Variants in SH2D4B observed in about 807,000 individuals in gnomAD.
SH2D4B encodes SH2 domain-containing protein 4B.
Under a neutral mutation model 61.5 loss-of-function variants are expected in SH2D4B, and 45 were observed. That is an observed-to-expected ratio of 0.73 (90% CI 0.58 to 0.94). The LOEUF (loss-of-function observed/expected upper bound fraction) is 0.94. SH2D4B is among the 40% of genes least tolerant of loss of function. The pLI, the probability that SH2D4B is intolerant of heterozygous loss-of-function variation, is 0.00. For missense variants in SH2D4B, 572 were observed against 574.2 expected (o/e 1.00, Z 0.04); for synonymous variants, 224 against 220.4 (o/e 1.02, Z -0.14).
At chr10:80,584,801 G>A (rs1163133259) in intron 3 of SH2D4B, among the ~76,000 whole-genome samples, 1 of 152,194 alleles carries the variant, frequency 6.6e-6, no homozygotes, top group Non-Finnish European at 1.5e-5. Context: ...GTTCACCTGT[G>A]GGAAATATAA....
chr10:80,584,329 G>A (rs1241596829), intron 3 of SH2D4B, among the ~76,000 whole-genome samples: 1 of 152,192 alleles, frequency 6.6e-6, no homozygotes, highest in Admixed American at 6.5e-5. Flanking sequence ...GGCACCCGGG[G>A]TAGTGTGTCC....
At position 80,612,182 on chromosome 10, in the gene SH2D4B, C is replaced by CT. The variant is rs796771295; in HGVS notation, c.988+2647dup. Among the ~76,000 whole-genome samples the CT allele has an allele frequency of 4.7e-3, 299 of 62,950 alleles. 4 individuals carry two copies. Among genetic ancestry groups the CT allele is most frequent in the South Asian group, 9.3e-3 (26 of 2,792 alleles). The allele number at this position is 62,950 out of a possible 152,430, so 41.3% of individuals were successfully genotyped here. On this transcript the variant is annotated intron_variant, in intron 6 of 7. Coordinates refer to ENST00000646907, the MANE Select transcript of SH2D4B (RefSeq NM_001388272.1). Reference sequence around the variant, plus strand: ...CAGCCCGGGACCTCCCCCACTCCTGCTTTTTTTTTTTTTTTTCAACTTTAC... The same window carrying CT: ...CAGCCCGGGACCTCCCCCACTCCTGCTTTTTTTTTTTTTTTTTCAACTTTAC...
chr10:80,552,457 C>T (rs12412983), intron 1 of SH2D4B, among the ~76,000 whole-genome samples: 4,436 of 152,226 alleles, frequency 0.029, 318 homozygotes, highest in East Asian at 0.29. Context: ...CTTTTCTGTC[C>T]CCTCATTTCA....
intron 7 of SH2D4B, among the ~76,000 whole-genome samples, chr10:80,641,448 C>T (rs890459959): frequency 6.6e-6 from 1 of 152,006 alleles, no homozygotes; most frequent in South Asian, 2.1e-4. Flanking sequence ...GTGGGCTCCA[C>T]CCAGTTCGAG....
chr10:80,590,097 G>T (rs1199155007), intron 4 of SH2D4B, among the ~76,000 whole-genome samples: 1 of 152,320 alleles, frequency 6.6e-6, no homozygotes, highest in Admixed American at 6.5e-5. Context: ...GAAGCCCCAG[G>T]GTGGGTCAGG....
chr10:80,541,122 T>C (rs1841572898), intron 1 of SH2D4B, among the ~76,000 whole-genome samples: 2 of 152,306 alleles, frequency 1.3e-5, no homozygotes, highest in South Asian at 4.1e-4. Context: ...TCTAATTTTA[T>C]GGGTGTTTCT....
intron 3 of SH2D4B, among the ~76,000 whole-genome samples, chr10:80,574,627 A>G (rs975115434): frequency 1.3e-5 from 2 of 152,108 alleles, no homozygotes; most frequent in African/African-American, 4.8e-5. Context: ...AGTGTTATTA[A>G]TCTCCTTATT....
In SH2D4B at chr10:80,539,478, A is replaced by G. The variant is rs553334711; in HGVS notation, c.184+963A>G. Among the ~76,000 whole-genome samples the G allele has an allele frequency of 6.8e-4, 104 of 152,228 alleles. 1 individual carries two copies. Among genetic ancestry groups the G allele is most frequent in the African/African-American group, 2.4e-3 (98 of 41,534 alleles). On this transcript the variant is annotated intron_variant, in intron 1 of 7. Coordinates refer to ENST00000646907, the MANE Select transcript of SH2D4B (RefSeq NM_001388272.1). This position sits in a 1 kb window ranked among gnomAD's most constrained non-coding sequence, Gnocchi z 4.9. ...ACCAGGTGCCACAGGCCACACCCACATCATCTGGACATGCTTGCTCTTGTC... is the reference window on the plus strand; with the variant it reads ...ACCAGGTGCCACAGGCCACACCCACGTCATCTGGACATGCTTGCTCTTGTC...
intron 1 of SH2D4B, among the ~76,000 whole-genome samples, chr10:80,546,008 CTCTTTCTT>C (rs78171203): frequency 6.7e-6 from 1 of 148,698 alleles, no homozygotes; most frequent in Non-Finnish European, 1.5e-5. Flanking sequence ...CTTTCTCTCT[CTCTTTCTT>C]TCTTTCTCTT....
chr10:80,630,346 G>A (rs72805759), intron 6 of SH2D4B, among the ~76,000 whole-genome samples: 4 of 152,360 alleles, frequency 2.6e-5, no homozygotes, highest in Non-Finnish European at 5.9e-5. Context: ...ACAGGTCTCT[G>A]TCTTGGAGGG....
chr10:80,643,940 G>T (rs1297848847), intron 7 of SH2D4B, 53 bp from the exon 8 acceptor site: 7 of 1,375,090 alleles, frequency 5.1e-6, no homozygotes, highest in Non-Finnish European at 7.2e-6. Context: ...TCTCATAGAT[G>T]TGTATTTCCC....
chr10:80,582,349 T>C (rs1226009860), intron 3 of SH2D4B, among the ~76,000 whole-genome samples: 16 of 152,312 alleles, frequency 1.1e-4, no homozygotes, highest in Admixed American at 8.5e-4. Context: ...TATTTCTTTG[T>C]GCAGTCTTTG....
At chr10:80,632,741 C>A (rs1463932381) in intron 6 of SH2D4B, among the ~76,000 whole-genome samples, 2 of 152,072 alleles carry the variant, frequency 1.3e-5, no homozygotes, top group Non-Finnish European at 2.9e-5. Flanking sequence ...TTCCGGTCCT[C>A]TTTTGTCTGT....
At chr10:80,623,008 G>A (rs778294165) in intron 6 of SH2D4B, among the ~76,000 whole-genome samples, 4 of 152,164 alleles carry the variant, frequency 2.6e-5, no homozygotes, top group African/African-American at 7.2e-5. Context: ...CTCCTCTCCC[G>A]GGTTCAAGCG....
chr10:80,617,309 C>G (rs1391260797), intron 6 of SH2D4B, among the ~76,000 whole-genome samples: 1 of 152,210 alleles, frequency 6.6e-6, no homozygotes, highest in Non-Finnish European at 1.5e-5. Flanking sequence ...TACTGCTAAC[C>G]AGGAAAGTGT....
intron 1 of SH2D4B, among the ~76,000 whole-genome samples, chr10:80,563,112 G>A (rs926109532): frequency 6.6e-5 from 10 of 151,464 alleles, no homozygotes; most frequent in African/African-American, 2.2e-4. Context: ...CGTTTTAGCC[G>A]GGATGGTCTC....
intron 1 of SH2D4B, among the ~76,000 whole-genome samples, chr10:80,542,156 C>T (rs1841588694): frequency 6.6e-6 from 1 of 152,064 alleles, no homozygotes; most frequent in Non-Finnish European, 1.5e-5. Flanking sequence ...TCAGTCAAAC[C>T]CCTCTAGCAT....
chr10:80,565,063 G>A (rs1841946741), intron 1 of SH2D4B, among the ~76,000 whole-genome samples: 1 of 152,212 alleles, frequency 6.6e-6, no homozygotes, highest in South Asian at 2.1e-4. Flanking sequence ...TTTGAGCACA[G>A]TTTGAACACT....
chr10:80,633,852 G>T (rs964755880), intron 6 of SH2D4B, among the ~76,000 whole-genome samples: 9 of 152,210 alleles, frequency 5.9e-5, no homozygotes, highest in African/African-American at 1.7e-4. Context: ...TGGTACTAGA[G>T]AAATAAGTGA....
Sources: allele counts gnomAD v4.1 joint callset (sites outside exome capture counted in the v4.1 genomes callset), GRCh38; gene constraint gnomAD v4.1.1; non-coding constraint Gnocchi (gnomAD v3.1); transcripts MANE v1.5; gene names NCBI Gene and HGNC (gene_info 2026-07-23, HGNC 2026-07-21).